RIPOR3: variants seen among roughly 807,000 people sequenced by gnomAD.
RIPOR3 encodes family with sequence similarity 65 member C.
A neutral mutation model predicts 114.3 loss-of-function variants in RIPOR3; 95 were observed. That is an observed-to-expected ratio of 0.83 (90% CI 0.70 to 0.99). The LOEUF is 0.99. RIPOR3 is among the 50% of genes least tolerant of loss of function. RIPOR3 has a pLI of 0.00. For synonymous variants in RIPOR3, 575 were observed against 543.8 expected (o/e 1.06, Z -0.80); for missense variants, 1,252 against 1,266.9 (o/e 0.99, Z 0.18).
Position 50,587,116 on chromosome 20 carries a change from G to A in RIPOR3, c.*116C>T, listed in dbSNP as rs2082943714. ...GGCCGGAGTCTCAGGTAGAGCTCTG[G>A]GCAGCTCACACTCCTGGAGGAGTGC... On this transcript the variant is annotated 3_prime_UTR_variant, in exon 22 of 22. Coordinates refer to ENST00000327979, the MANE Select transcript of RIPOR3 (RefSeq NM_001290268.2). 2 of 771,466 alleles carry A rather than the reference G, an allele frequency of 2.6e-6. No homozygotes were observed. The highest frequency in any genetic ancestry group is 4.4e-6 in the Non-Finnish European group (2 of 454,502). The allele number at this position is 771,466 out of a possible 1,614,324, so 47.8% of individuals were successfully genotyped here.
At chr20:50,608,190 C>T (rs2083796323) in intron 11 of RIPOR3, among the ~76,000 whole-genome samples, 199 bp downstream of exon 11, 1 of 152,168 alleles carries the variant, frequency 6.6e-6, no homozygotes, top group South Asian at 2.1e-4. Flanking sequence ...GGAAGCAAAA[C>T]CAGAAAGGCA....
At chr20:50,679,932 G>A (rs2123598852) in intron 1 of RIPOR3, among the ~76,000 whole-genome samples, 1 of 152,276 alleles carries the variant, frequency 6.6e-6, no homozygotes, top group East Asian at 1.9e-4. Context: ...GCTCCAGCCT[G>A]GCAACCAGAG....
Position 50,596,219 on chromosome 20 carries a change from G to C in RIPOR3, c.1835C>G (p.Ser612Cys), listed in dbSNP as rs1344819460. ...TGGGGCACCGGCTGTGAGTTCCCTGGATGACGCTTTCAGTGATGACGGTGG... is the reference window on the plus strand; with the variant it reads ...TGGGGCACCGGCTGTGAGTTCCCTGCATGACGCTTTCAGTGATGACGGTGG... ...LPPPSSLKAS[S>C]RELTAGAPEL... The change falls in exon 15 of 22, where the codon TCC becomes TGC. Residue 612 changes from serine (S) to cysteine (C), a missense_variant. Physicochemically the swap from Ser to Cys is moderately radical, Grantham distance 112. Transcript: ENST00000327979. 6.2e-7 allele frequency: 1 copy of C among 1,614,188 alleles called. No individual in the cohort carries two copies. Among genetic ancestry groups the C allele is most frequent in the Admixed American group, 1.7e-5 (1 of 60,028 alleles).
chr20:50,605,867 G>A (rs1360833426), intron 11 of RIPOR3, among the ~76,000 whole-genome samples: 1 of 152,036 alleles, frequency 6.6e-6, no homozygotes, highest in Non-Finnish European at 1.5e-5. Context: ...GGTCACAGGT[G>A]CAGCCTAGGA....
intron 20 of RIPOR3, among the ~76,000 whole-genome samples, chr20:50,588,630 A>G (rs1424996064): frequency 6.6e-6 from 1 of 152,064 alleles, no homozygotes; most frequent in Non-Finnish European, 1.5e-5. Context: ...ATGCACAAAC[A>G]TGATCATAAG....
Position 50,592,418 on chromosome 20 carries a change from C to T in RIPOR3, c.2503G>A (p.Gly835Ser), listed in dbSNP as rs77093450. ...LRAWALLQLDGTPRVCRAASA... is the reference protein window; with the variant it reads ...LRAWALLQLDSTPRVCRAASA... Reference sequence around the variant, plus strand: ...GCCGCCCTGCACACCCTCGGAGTGCCGTCCAGCTGGAGCAGCGCCCAGGCT... The same window carrying T: ...GCCGCCCTGCACACCCTCGGAGTGCTGTCCAGCTGGAGCAGCGCCCAGGCT... The change falls in exon 19 of 22, where the codon GGC (glycine) becomes AGC (serine). Residue 835 changes from glycine (G) to serine (S), a missense_variant. Coordinates refer to ENST00000327979, the MANE Select transcript of RIPOR3 (RefSeq NM_001290268.2). The T allele has an allele frequency of 7.6e-5, 123 of 1,612,230 alleles. No homozygotes were observed. The East Asian group carries it at 1.8e-3, about 23-fold the overall frequency.
Position 50,666,932 on chromosome 20 carries a change from G to A in RIPOR3, c.3+24194C>T, listed in dbSNP as rs137972630. Among the ~76,000 whole-genome samples the A allele has an allele frequency of 3.3e-3, 507 of 152,186 alleles. 2 individuals are homozygous for A. The highest frequency in any genetic ancestry group is 5.3e-3 in the Non-Finnish European group (359 of 67,990). On this transcript the variant is annotated intron_variant, in intron 1 of 21. Coordinates refer to ENST00000327979, the MANE Select transcript of RIPOR3 (RefSeq NM_001290268.2). ...GATCCCTCCTGGGGAGCTATCTTAC[G>A]GTCTTATGTGATAAGGTGACCTCTC...
rs71190589 is a variant in RIPOR3 at position 50,671,982 on chromosome 20, G to GTGGA, written c.3+19140_3+19143dup. On this transcript the variant is annotated intron_variant, in intron 1 of 21. Coordinates refer to ENST00000327979, the MANE Select transcript of RIPOR3 (RefSeq NM_001290268.2). ...GTTAGGTGGATAGGTGGATGGGTGC[G>GTGGA]TGGATGGATGGATGGATGGATGGAT... is the stretch of plus-strand genomic sequence containing the variant. 1.9e-3 allele frequency among the ~76,000 whole-genome samples: 257 copies of GTGGA among 137,198 alleles called. 1 individual carries two copies. The highest frequency in any genetic ancestry group is 4.9e-3 in the African/African-American group (178 of 36,134). The allele number at this position is 137,198 out of a possible 152,430, so 90.0% of individuals were successfully genotyped here. A position where few individuals can be genotyped will look rare whatever the true frequency, so the allele number is the denominator to read the frequency against.
At chr20:50,641,333 G>A (rs1471939264) in intron 1 of RIPOR3, among the ~76,000 whole-genome samples, 2 of 152,078 alleles carry the variant, frequency 1.3e-5, no homozygotes, top group East Asian at 1.9e-4. Flanking sequence ...TCCCATCTCC[G>A]CCTCCTGAGT....
At chr20:50,623,923 G>A (rs1343016281) in intron 2 of RIPOR3, among the ~76,000 whole-genome samples, 4 of 152,142 alleles carry the variant, frequency 2.6e-5, no homozygotes, top group African/African-American at 4.8e-5. Context: ...TGCAACCTCC[G>A]CCTCCCAGGT....
chr20:50,662,736 C>CG (rs2086039547), intron 1 of RIPOR3, among the ~76,000 whole-genome samples: 1 of 152,200 alleles, frequency 6.6e-6, no homozygotes, highest in Non-Finnish European at 1.5e-5. Flanking sequence ...GCTGGTGACA[C>CG]GGGGGAAGTC....
chr20:50,636,922 T>C (rs1396898957), intron 1 of RIPOR3: 1 of 985,326 alleles, frequency 1.0e-6, no homozygotes, highest in East Asian at 1.1e-4. Flanking sequence ...CTTTTATGCC[T>C]GAGTCCCTCA....
chr20:50,595,215 A>G (rs1003719085), intron 16 of RIPOR3, 154 bp downstream of exon 16: 2 of 954,072 alleles, frequency 2.1e-6, no homozygotes, highest in African/African-American at 1.6e-5. Flanking sequence ...CTCCCCACAA[A>G]GAGTGTGTAT....
rs2083868775 is a variant in RIPOR3 at position 50,609,540 on chromosome 20, C to T, written c.576+33G>A. On this transcript the variant is annotated intron_variant, in intron 7 of 21. Coordinates refer to ENST00000327979, the MANE Select transcript of RIPOR3 (RefSeq NM_001290268.2). The stretch of plus-strand genomic sequence containing the variant: ...CACTGCCCGGCCCAGCTCTTGCTGC[C>T]CCTGCTGCCCAGCCCAGCTTGGCCC... 3.5e-6 allele frequency: 5 copies of T among 1,429,890 alleles called. No individual in the cohort carries two copies. In the East Asian group the frequency reaches 1.3e-4, roughly 37 times the overall value. The allele number at this position is 1,429,890 out of a possible 1,614,324, so 88.6% of individuals were successfully genotyped here. A position where few individuals can be genotyped will look rare whatever the true frequency, so the allele number is the denominator to read the frequency against.
chr20:50,615,847 T>C (rs923040218), intron 4 of RIPOR3, among the ~76,000 whole-genome samples, 155 bp downstream of exon 4: 1 of 152,032 alleles, frequency 6.6e-6, no homozygotes, highest in African/African-American at 2.4e-5. Flanking sequence ...CGTGCCAAAG[T>C]GAAGTTAACT....
chr20:50,595,175 T>C, intron 16 of RIPOR3, 194 bp downstream of exon 16: 1 of 667,724 alleles, frequency 1.5e-6, no homozygotes, highest in South Asian at 1.9e-5. Context: ...CTGAAGAGTG[T>C]GCTGCAACTC....
chr20:50,618,224 T>A (rs1478484916), intron 3 of RIPOR3, among the ~76,000 whole-genome samples: 3 of 126,074 alleles, frequency 2.4e-5, no homozygotes, highest in African/African-American at 3.2e-5. Context: ...CTGAGTGAGA[T>A]CACACCACCG....
intron 1 of RIPOR3, among the ~76,000 whole-genome samples, chr20:50,658,250 G>A (rs1600702859): frequency 6.6e-6 from 1 of 152,312 alleles, no homozygotes; most frequent in East Asian, 1.9e-4. Context: ...TATATGCAAT[G>A]AGATATTATT....
chr20:50,590,060 T>C lies in RIPOR3; in HGVS notation c.2578-291A>G, dbSNP rs527900156. On this transcript the variant is annotated intron_variant, in intron 19 of 21. Coordinates refer to ENST00000327979, the MANE Select transcript of RIPOR3 (RefSeq NM_001290268.2). ...CATTCTGAAACTGCTGTCTATAAAATGCTGAATCAGAGAAATCAGATGCCC... is the reference window on the plus strand; with the variant it reads ...CATTCTGAAACTGCTGTCTATAAAACGCTGAATCAGAGAAATCAGATGCCC... 183 of 326,936 alleles carry C rather than the reference T, an allele frequency of 5.6e-4. 1 individual carries two copies. Among genetic ancestry groups the C allele is most frequent in the Non-Finnish European group, 1.0e-3 (170 of 166,772 alleles). The allele number at this position is 326,936 out of a possible 1,614,324, so 20.3% of individuals were successfully genotyped here. A position where few individuals can be genotyped will look rare whatever the true frequency, so the allele number is the denominator to read the frequency against.
Sources: gnomAD v4.1 joint callset for allele counts (sites outside exome capture counted in the v4.1 genomes callset) on GRCh38, gnomAD v4.1.1 for gene constraint, MANE v1.5 for transcripts, NCBI Gene and HGNC (gene_info 2026-07-23, HGNC 2026-07-21) for gene names.